The following HACE1 variants were observed in gnomAD, a reference collection of about 807,000 sequenced individuals.
The protein encoded by HACE1 is HECT domain and ankyrin repeat containing E3 ubiquitin protein ligase 1, also known as E3 ubiquitin-protein ligase HACE1.
In HACE1, 73 loss-of-function variants were observed where a neutral mutation model predicts 118.4. The ratio of observed to expected loss-of-function variants is 0.62; its 90% CI spans 0.51 to 0.75. The LOEUF (loss-of-function observed/expected upper bound fraction) is 0.75. Ranked by LOEUF, HACE1 falls within the 30% of genes least tolerant of loss-of-function variation. The probability of loss-of-function intolerance (pLI) is 0.00; values close to 1 mark genes in which losing one functional copy is unlikely to be tolerated. For missense variants in HACE1, 749 were observed against 1,102.2 expected, an observed-to-expected ratio of 0.68 and a Z score of 4.54; for synonymous variants, 368 against 374.8, an observed-to-expected ratio of 0.98 and a Z score of 0.21.
chr6:104,736,852 TA>T (rs1562254165), intron 22 of HACE1, among the ~76,000 whole-genome samples: 2 of 152,066 alleles, frequency 1.3e-5, no homozygotes, highest in Non-Finnish European at 2.9e-5. Context: ...CTAAAAAAAA[TA>T]AGCAAAATGT....
At chr6:104,743,930 T>A (rs1777119666) in intron 22 of HACE1, among the ~76,000 whole-genome samples, 1 of 152,124 alleles carries the variant, frequency 6.6e-6, no homozygotes, top group Non-Finnish European at 1.5e-5. Flanking sequence ...AATATACTGA[T>A]AATCCTAACT....
At chr6:104,787,969 C>A (rs542708690) in intron 11 of HACE1, among the ~76,000 whole-genome samples, 1 of 152,198 alleles carries the variant, frequency 6.6e-6, no homozygotes, top group African/African-American at 2.4e-5. Flanking sequence ...ATCATACATA[C>A]ATTAAAACTA....
At position 104,734,012 on chromosome 6, in the gene HACE1, C is replaced by T. The variant is rs137903606; in HGVS notation, c.2514-3596G>A. On this transcript the variant is annotated intron_variant, in intron 22 of 23. Coordinates refer to ENST00000262903, the MANE Select transcript of HACE1 (RefSeq NM_020771.4). ...TACTAAAAATACAAAATTAGCTGGG[C>T]ATGGTGGTAAGCGCCTGTAATCCCA... Among the ~76,000 whole-genome samples, 745 of 151,552 alleles carry T rather than the reference C, an allele frequency of 4.9e-3. 4 individuals are homozygous for T. The highest frequency in any genetic ancestry group is 0.017 in the African/African-American group (712 of 41,308).
chr6:104,859,789 G>A lies in HACE1; in HGVS notation c.-147C>T, dbSNP rs1582820253. On this transcript the variant is annotated 5_prime_UTR_variant, in exon 1 of 24. Coordinates refer to ENST00000262903, the MANE Select transcript of HACE1 (RefSeq NM_020771.4). ...AGCACTGAGCTGCGAGGGCTGCCTG[G>A]GGCCACGTCCTGCGTCCGGGGGCCG... 1 of 698,824 alleles carries A rather than the reference G, an allele frequency of 1.4e-6. No homozygotes were observed. The highest frequency in any genetic ancestry group is 3.3e-5 in the East Asian group (1 of 30,042). 43.3% of individuals were successfully genotyped at this position (698,824 alleles called of 1,614,324 possible).
At chr6:104,786,158 A>C (rs1782370687) in intron 11 of HACE1, 1 of 151,808 alleles carries the variant, frequency 6.6e-6, no homozygotes, top group East Asian at 1.9e-4. Context: ...AACATGGTGA[A>C]TTGAAATCCC....
At chr6:104,768,637 T>TA (rs899681363) in intron 19 of HACE1, among the ~76,000 whole-genome samples, 8 of 151,804 alleles carry the variant, frequency 5.3e-5, no homozygotes, top group South Asian at 4.2e-4. Context: ...AATGTTTATA[T>TA]AAAAAAAATG....
At chr6:104,757,240 G>A (rs1778824617) in intron 19 of HACE1, among the ~76,000 whole-genome samples, 1 of 152,214 alleles carries the variant, frequency 6.6e-6, no homozygotes, top group African/African-American at 2.4e-5. Context: ...TTTGAGCTAT[G>A]AGAACAGACA....
chr6:104,730,964 G>T (rs1775139018), intron 22 of HACE1: 1 of 156,646 alleles, frequency 6.4e-6, no homozygotes, highest in South Asian at 1.9e-4. Flanking sequence ...AATTCTTTAT[G>T]TTCCTCTTTG....
intron 14 of HACE1, chr6:104,780,557 CT>C (rs1781618559): frequency 3.5e-6 from 1 of 283,964 alleles, no homozygotes; most frequent in Admixed American, 5.1e-5. Flanking sequence ...CAGAAAACTT[CT>C]AAGTACAGTA....
chr6:104,795,426 C>T (rs1005927156), intron 10 of HACE1, among the ~76,000 whole-genome samples, 153 bp downstream of exon 10: 2 of 152,058 alleles, frequency 1.3e-5, no homozygotes, highest in African/African-American at 4.8e-5. Context: ...TAGTTGATTA[C>T]CCTGGTCCTT....
At chr6:104,746,911 A>C (rs192054656) in intron 20 of HACE1, among the ~76,000 whole-genome samples, 2 of 152,178 alleles carry the variant, frequency 1.3e-5, no homozygotes, top group African/African-American at 4.8e-5. Flanking sequence ...TTCATTATTC[A>C]TAATTATGAA....
At chr6:104,729,813 C>A (rs1775013120) in intron 23 of HACE1, 49 bp from the exon 24 acceptor site, 1 of 864,858 alleles carries the variant, frequency 1.2e-6, no homozygotes, top group Non-Finnish European at 2.0e-6. Context: ...TATAAAATTT[C>A]TGATTGTTTT....
At chr6:104,797,051 A>T in intron 7 of HACE1, 26 bp from the exon 8 acceptor site, 2 of 1,226,428 alleles carry the variant, frequency 1.6e-6, no homozygotes, top group Non-Finnish European at 2.4e-6. Context: ...AACAAGTTAA[A>T]AATACAATCT....
At chr6:104,830,054 A>G (rs1225164929) in intron 6 of HACE1, among the ~76,000 whole-genome samples, 1 of 152,200 alleles carries the variant, frequency 6.6e-6, no homozygotes, top group Non-Finnish European at 1.5e-5. Flanking sequence ...TAGCTTTTAT[A>G]AATCTTTTTC....
At chr6:104,751,038 G>A (rs1777987837) in intron 19 of HACE1, among the ~76,000 whole-genome samples, 1 of 152,120 alleles carries the variant, frequency 6.6e-6, no homozygotes, top group African/African-American at 2.4e-5. Flanking sequence ...TAAATGATCT[G>A]GCCTCTGCCT....
chr6:104,771,199 A>AT lies in HACE1; in HGVS notation c.2204dup (p.Asn735LysfsTer2), dbSNP rs1267076438. ...TAAAAACTGAAATACTCACTTTATTATTTTGTGTCACAAGAATACTCCCAC... is the reference window on the plus strand; with the variant it reads ...TAAAAACTGAAATACTCACTTTATTATTTTTGTGTCACAAGAATACTCCCAC... On this transcript the variant is annotated frameshift_variant, in exon 19 of 24. Transcript: ENST00000262903. LOFTEE classifies it high-confidence loss of function. 1 of 1,607,236 alleles carries AT rather than the reference A, an allele frequency of 6.2e-7. No individual in the cohort carries two copies. The highest frequency in any genetic ancestry group is 1.1e-5 in the South Asian group (1 of 90,936).
At chr6:104,742,981 C>A (rs1437345494) in intron 22 of HACE1, among the ~76,000 whole-genome samples, 2 of 151,940 alleles carry the variant, frequency 1.3e-5, no homozygotes, top group Non-Finnish European at 2.9e-5. Context: ...ACTATGCAGC[C>A]ATAAAAAATG....
chr6:104,825,483 T>G (rs143375877), intron 6 of HACE1, among the ~76,000 whole-genome samples: 2 of 152,060 alleles, frequency 1.3e-5, no homozygotes, highest in East Asian at 1.9e-4. Context: ...AAGGTAGTTA[T>G]GTGCAAGCAA....
intron 19 of HACE1, among the ~76,000 whole-genome samples, chr6:104,767,288 G>A (rs911451574): frequency 2.6e-5 from 4 of 152,188 alleles, no homozygotes; most frequent in African/African-American, 9.6e-5. Context: ...AACAGTGGCA[G>A]TTATCCTTGA....
Sources: gnomAD v4.1 joint callset for allele counts (sites outside exome capture counted in the v4.1 genomes callset) on GRCh38, gnomAD v4.1.1 for gene constraint, MANE v1.5 for transcripts, NCBI Gene and HGNC (gene_info 2026-07-23, HGNC 2026-07-21) for gene names.